Variants in SSX3 observed in about 807,000 individuals in gnomAD.
The protein encoded by SSX3 is protein SSX3.
SSX3 carries 6 observed loss-of-function variants against 14.8 expected under a neutral mutation model. That is an observed-to-expected ratio of 0.41 (90% CI 0.22 to 0.80). SSX3 has a LOEUF of 0.80. Among genes scored for constraint, SSX3 ranks in the 30% least tolerant of loss-of-function variants. The pLI is 0.34. For synonymous variants in SSX3, 55 were observed against 52.9 expected, an observed-to-expected ratio of 1.04 and a Z score of -0.18; for missense variants, 163 against 152.2, an observed-to-expected ratio of 1.07 and a Z score of -0.37.
In SSX3 at chrX:48,346,514, G is replaced by A. The variant is rs1315104736; in HGVS notation, c.*526C>T. The A allele has an allele frequency of 4.1e-6, 1 of 241,717 alleles. No individual in the cohort carries two copies. The highest frequency in any genetic ancestry group is 7.4e-6 in the Non-Finnish European group (1 of 134,593). The allele number at this position is 241,717 out of a possible 1,213,427, so 19.9% of individuals were successfully genotyped here. ...ACATGCTGACCAGGAAACAGAGTGA[G>A]GGAAGCCTGACCAGGACGCATGGCA... On this transcript the variant is annotated 3_prime_UTR_variant, in exon 8 of 8. Transcript: ENST00000298396.
chrX:48,349,214 A>G (rs1158766213), intron 6 of SSX3, among the ~76,000 whole-genome samples: 1 of 112,023 alleles, frequency 8.9e-6, no homozygotes, highest in African/African-American at 3.2e-5. Flanking sequence ...CTACAGAGAA[A>G]TCCTTCATGA....
At chrX:48,354,889 A>C in intron 2 of SSX3, 143 bp from the exon 3 acceptor site, 1 of 1,194,614 alleles carries the variant, frequency 8.4e-7, no homozygotes, top group Non-Finnish European at 1.1e-6. Context: ...ACAGAACATG[A>C]GGGACCTTCC....
Position 48,349,553 on chromosome X carries a change from T to A in SSX3, c.466+434A>T, listed in dbSNP as rs782632096. 5.8e-6 allele frequency: 7 copies of A among 1,208,675 alleles called. No individual in the cohort carries two copies. In the South Asian group the frequency reaches 1.2e-4, roughly 21 times the overall value. On this transcript the variant is annotated intron_variant, in intron 6 of 7. Transcript: ENST00000298396. ...TGTGTGACTCACTTTATTGCAGTGG[T>A]CTGGAACCGAACCTGCAGTATCTCT... is the stretch of plus-strand genomic sequence containing the variant.
Position 48,346,810 on chromosome X carries a change from A to C in SSX3, c.*230T>G. 1.7e-6 allele frequency: 1 copy of C among 587,035 alleles called. No homozygotes were observed. Among genetic ancestry groups the C allele is most frequent in the Middle Eastern group, 5.3e-4 (1 of 1,885 alleles). 48.4% of individuals were successfully genotyped at this position (587,035 alleles called of 1,213,427 possible). A position where few individuals can be genotyped will look rare whatever the true frequency, so the allele number is the denominator to read the frequency against. The stretch of plus-strand genomic sequence containing the variant: ...ATTAAGTATGTCTTGCTCATCAGTG[A>C]AAATGTTAATATCTAACAGAATGAC... On this transcript the variant is annotated 3_prime_UTR_variant, in exon 8 of 8. Coordinates refer to ENST00000298396, the MANE Select transcript of SSX3 (RefSeq NM_021014.4).
At position 48,350,041 on chromosome X, in the gene SSX3, G is replaced by T; in HGVS notation, c.412C>A (p.Gln138Lys). Reference protein sequence around the residue: ...EASGPQNDGKQLCPPGKPTTS... With the variant: ...EASGPQNDGKKLCPPGKPTTS... ...GTTGGTTTTCCCGGGGGGCACAGCT[G>T]TTTCCCATCGTTTTGTGGGCCAGAT... The change falls in exon 6 of 8, where the codon CAG (glutamine) becomes AAG (lysine). Residue 138 changes from glutamine to lysine, a missense_variant. Physicochemically the swap from Gln to Lys is moderately conservative, Grantham distance 53. Transcript: ENST00000298396. 1 of 1,211,657 alleles carries T rather than the reference G, an allele frequency of 8.3e-7. No individual in the cohort carries two copies. Among genetic ancestry groups the T allele is most frequent in the Non-Finnish European group, 1.1e-6 (1 of 895,490 alleles).
Position 48,350,071 on chromosome X carries a change from C to G in SSX3, c.382G>C (p.Glu128Gln). 3 of 1,211,992 alleles carry G rather than the reference C, an allele frequency of 2.5e-6. No homozygotes were observed. The highest frequency in any genetic ancestry group is 3.3e-6 in the Non-Finnish European group (3 of 895,571). The change falls in exon 6 of 8, where the codon GAA becomes CAA. Residue 128 changes from glutamate (E) to glutamine (Q), a missense_variant. Glu to Gln is a conservative substitution (Grantham distance 29, BLOSUM62 2). Coordinates refer to ENST00000298396, the MANE Select transcript of SSX3 (RefSeq NM_021014.4). ...CCATCGTTTTGTGGGCCAGATGCTT[C>G]TGGCACTTCCTTCGAAACATTTCCT... ...EEGNVSKEVP[E>Q]ASGPQNDGKQ...
At chrX:48,355,005 C>A (rs1450031958) in intron 2 of SSX3, 176 bp downstream of exon 2, 2 of 752,567 alleles carry the variant, frequency 2.7e-6, no homozygotes, top group Non-Finnish European at 3.1e-6. Context: ...AGGTCACAGA[C>A]TTGTCTCCAG....
chrX:48,348,264 T>A (rs189232022), intron 6 of SSX3: 3 of 470,635 alleles, frequency 6.4e-6, no homozygotes, highest in Non-Finnish European at 1.1e-5. Context: ...CTCTTTTAGT[T>A]TTTTTAAGTA....
At chrX:48,356,461 G>GA (rs1318472741) in intron 1 of SSX3, among the ~76,000 whole-genome samples, 173 bp downstream of exon 1, 9 of 111,014 alleles carry the variant, frequency 8.1e-5, no homozygotes, top group Non-Finnish European at 1.3e-4. Flanking sequence ...TCCCATACCT[G>GA]AAAAAGTTAG....
chrX:48,355,142 C>T (rs782053235), intron 2 of SSX3, 39 bp downstream of exon 2: 19 of 1,203,075 alleles, frequency 1.6e-5, no homozygotes, highest in Non-Finnish European at 1.9e-5. Context: ...CCCACACTGT[C>T]CCCTGGGTCA....
intron 6 of SSX3, among the ~76,000 whole-genome samples, chrX:48,348,018 G>A (rs781896161): frequency 3.5e-4 from 39 of 111,677 alleles, no homozygotes; most frequent in Non-Finnish European, 9.4e-5. Flanking sequence ...TATTATATCT[G>A]TTATAGTGAT....
At chrX:48,349,865 G>A (rs1272394711) in intron 6 of SSX3, 122 bp downstream of exon 6, 45 of 1,156,840 alleles carry the variant, frequency 3.9e-5, no homozygotes, top group Non-Finnish European at 5.0e-5. Flanking sequence ...TCTGGAGCTG[G>A]GCAAGCTCCT....
intron 4 of SSX3, among the ~76,000 whole-genome samples, chrX:48,353,500 G>A (rs1182183331): frequency 1.8e-5 from 2 of 111,103 alleles, no homozygotes; most frequent in African/African-American, 3.3e-5. Flanking sequence ...GGGCACGTGC[G>A]TGTAACCCCA....
intron 6 of SSX3, chrX:48,348,467 G>A (rs1189597414): frequency 1.9e-6 from 1 of 513,401 alleles, no homozygotes; most frequent in Non-Finnish European, 3.6e-6. Context: ...CAGCAATACT[G>A]AAATGAGGAT....
At chrX:48,354,497 C>A (rs1285670330) in intron 3 of SSX3, 135 bp downstream of exon 3, 4 of 729,195 alleles carry the variant, frequency 5.5e-6, no homozygotes, top group Non-Finnish European at 7.9e-6. Flanking sequence ...GCAGAACACC[C>A]AGAAGCTGCC....
At chrX:48,350,542 G>A (rs782650937) in intron 5 of SSX3, among the ~76,000 whole-genome samples, 85 of 110,795 alleles carry the variant, frequency 7.7e-4, no homozygotes, top group Non-Finnish European at 1.5e-3. Flanking sequence ...ATAGGGAGGC[G>A]ACAAAACACT....
chrX:48,353,555 G>T (rs1312449520), intron 4 of SSX3, among the ~76,000 whole-genome samples: 19 of 111,119 alleles, frequency 1.7e-4, no homozygotes, highest in African/African-American at 5.6e-4. Flanking sequence ...AACCCAGGAG[G>T]TGAAAGTTGG....
intron 6 of SSX3, chrX:48,348,416 G>A (rs1369087435): frequency 2.9e-5 from 15 of 517,851 alleles, no homozygotes; most frequent in Non-Finnish European, 4.2e-5. Context: ...GCTGTTCCGC[G>A]TCTCTCTTCC....
chrX:48,351,277 A>G (rs782505328), intron 5 of SSX3, among the ~76,000 whole-genome samples: 10 of 112,026 alleles, frequency 8.9e-5, no homozygotes, highest in Admixed American at 2.8e-4. Context: ...ACCAGAGTTG[A>G]ATCTGCACTT....
Sources: gnomAD v4.1 joint callset for allele counts (sites outside exome capture counted in the v4.1 genomes callset) on GRCh38, gnomAD v4.1.1 for gene constraint, MANE v1.5 for transcripts, NCBI Gene and HGNC (gene_info 2026-07-23, HGNC 2026-07-21) for gene names.